Variants in GTF3C5 observed in about 807,000 individuals in gnomAD.
The protein encoded by GTF3C5 is general transcription factor 3C polypeptide 5.
In GTF3C5, 47 loss-of-function variants were observed where a neutral mutation model predicts 61.0. The ratio of observed to expected loss-of-function variants is 0.77; its 90% CI spans 0.61 to 0.98. GTF3C5 has a LOEUF of 0.98. Ranked by LOEUF, GTF3C5 falls within the 50% of genes least tolerant of loss-of-function variation. The pLI, the probability that GTF3C5 is intolerant of heterozygous loss-of-function variation, is 0.00. For synonymous variants in GTF3C5, 295 were observed against 275.4 expected (o/e 1.07, Z -0.71); for missense variants, 659 against 703.3 (o/e 0.94, Z 0.71).
chr9:133,056,766 G>GT lies in GTF3C5; in HGVS notation c.1253dup (p.Leu418PhefsTer9). ...GTCCCAACCCTCTCCCCACCCCCAG[G>GT]TTGCAGAAGATCATTCACCGCAATG... On this transcript the variant is annotated frameshift_variant and splice_region_variant, in exon 10 of 11. Transcript: ENST00000372097. LOFTEE classifies it high-confidence loss of function. 1 of 1,599,244 alleles carries GT rather than the reference G, an allele frequency of 6.3e-7. No homozygotes were observed. The highest frequency in any genetic ancestry group is 8.5e-7 in the Non-Finnish European group (1 of 1,172,314).
intron 1 of GTF3C5, among the ~76,000 whole-genome samples, chr9:133,040,724 G>A (rs577993317): frequency 6.6e-6 from 1 of 152,164 alleles, no homozygotes; most frequent in African/African-American, 2.4e-5. Flanking sequence ...GTTAGAGTAG[G>A]TAACCCTAGA....
At chr9:133,051,755 C>T (rs1850387270) in intron 4 of GTF3C5, among the ~76,000 whole-genome samples, 1 of 152,192 alleles carries the variant, frequency 6.6e-6, no homozygotes, top group African/African-American at 2.4e-5. Context: ...AGCATGTGCC[C>T]CCTGAGCCGT....
chr9:133,051,699 G>A (rs1850382935), intron 4 of GTF3C5, among the ~76,000 whole-genome samples: 1 of 152,202 alleles, frequency 6.6e-6, no homozygotes, highest in Admixed American at 6.5e-5. Flanking sequence ...TCCCACCTCA[G>A]GCACCTGTTC....
Position 133,050,820 on chromosome 9 carries a change from C to T in GTF3C5, c.610C>T (p.Leu204=), listed in dbSNP as rs776387290. The part of the protein sequence containing the change: ...YNNPPISGEN[L]IGLSRARRPH... The stretch of plus-strand genomic sequence containing the variant: ...CAATCCCCCCATCTCAGGTGAGAAT[C>T]TGATTGGCCTGAGCAGAGCCCGGCG... The change falls in exon 4 of 11, where the codon CTG becomes TTG. Residue 204 remains leucine, a synonymous_variant. Transcript: ENST00000372097. 2 of 1,613,944 alleles carry T rather than the reference C, an allele frequency of 1.2e-6. No homozygotes were observed. The highest frequency in any genetic ancestry group is 4.5e-5 in the East Asian group (2 of 44,880).
At chr9:133,038,284 G>A (rs1050296458) in intron 1 of GTF3C5, among the ~76,000 whole-genome samples, 9 of 152,086 alleles carry the variant, frequency 5.9e-5, no homozygotes, top group African/African-American at 2.2e-4. Flanking sequence ...GCTGGACGGC[G>A]GCTGAAGGGG....
intron 3 of GTF3C5, among the ~76,000 whole-genome samples, chr9:133,044,567 G>A (rs1360464419): frequency 2.6e-5 from 4 of 152,074 alleles, no homozygotes; most frequent in African/African-American, 9.7e-5. Flanking sequence ...ATCTGTCCCT[G>A]CCCTGCCCTC....
At chr9:133,044,788 G>A (rs1479688436) in intron 3 of GTF3C5, among the ~76,000 whole-genome samples, 2 of 151,954 alleles carry the variant, frequency 1.3e-5, no homozygotes, top group Non-Finnish European at 1.5e-5. Context: ...TCCAGAACAC[G>A]GTGCCTCTCC....
Position 133,054,815 on chromosome 9 carries a change from C to T in GTF3C5, c.1167+6C>T, listed in dbSNP as rs531086951. 60 of 1,560,154 alleles carry T rather than the reference C, an allele frequency of 3.8e-5. No individual in the cohort carries two copies. The highest frequency in any genetic ancestry group is 4.7e-5 in the East Asian group (2 of 42,438). On this transcript the variant is annotated splice_donor_region_variant and intron_variant, in intron 8 of 10. Transcript: ENST00000372097. ...CCAGCAAGTACAAGCTCAAGGTGGG[C>T]GCCCCTGGAGGCCAGGAATGGAGGG...
At chr9:133,053,534 G>A (rs1182315315) in intron 5 of GTF3C5, among the ~76,000 whole-genome samples, 1 of 152,166 alleles carries the variant, frequency 6.6e-6, no homozygotes, top group East Asian at 1.9e-4. Context: ...GCAGTGAACC[G>A]TGATTTTGCC....
chr9:133,051,582 T>A (rs1043357720), intron 4 of GTF3C5, among the ~76,000 whole-genome samples: 2 of 152,206 alleles, frequency 1.3e-5, no homozygotes. Context: ...CTGACCTGAA[T>A]TGGCTCGTGA....
At chr9:133,045,454 CTT>C (rs1850174050) in intron 3 of GTF3C5, among the ~76,000 whole-genome samples, 1 of 152,176 alleles carries the variant, frequency 6.6e-6, no homozygotes, top group Non-Finnish European at 1.5e-5. Flanking sequence ...TGGAAAAAAA[CTT>C]TGCATTGTAA....
At chr9:133,045,198 G>C (rs1184445930) in intron 3 of GTF3C5, among the ~76,000 whole-genome samples, 1 of 152,220 alleles carries the variant, frequency 6.6e-6, no homozygotes, top group Non-Finnish European at 1.5e-5. Flanking sequence ...CACACTGCCA[G>C]TTATTTCACG....
chr9:133,048,099 A>C (rs1850258214), intron 3 of GTF3C5, among the ~76,000 whole-genome samples: 1 of 152,102 alleles, frequency 6.6e-6, no homozygotes, highest in Non-Finnish European at 1.5e-5. Context: ...ACTGCACTCC[A>C]GCCTGGGTGA....
intron 1 of GTF3C5, among the ~76,000 whole-genome samples, chr9:133,039,990 G>A (rs768718268): frequency 2.0e-5 from 3 of 152,102 alleles, no homozygotes; most frequent in East Asian, 3.8e-4. Flanking sequence ...CATTAAGCAC[G>A]GGCTGCCAGT....
chr9:133,043,304 T>C lies in GTF3C5; in HGVS notation c.374-424T>C, dbSNP rs937207009. 4.6e-5 allele frequency among the ~76,000 whole-genome samples: 7 copies of C among 152,332 alleles called. No individual in the cohort carries two copies. The South Asian group carries it at 1.5e-3, about 32-fold the overall frequency. On this transcript the variant is annotated intron_variant, in intron 2 of 10. Transcript: ENST00000372097. ...GAATTGAACCAGCATCTTGCTGCTC[T>C]GTGTGTGTCTCTGGACTGGCAGCAT...
intron 1 of GTF3C5, among the ~76,000 whole-genome samples, chr9:133,040,622 C>T (rs1242490532): frequency 1.3e-5 from 2 of 152,124 alleles, no homozygotes; most frequent in Non-Finnish European, 1.5e-5. Context: ...AGTCAGAGCC[C>T]AAATGGTTGT....
At position 133,043,879 on chromosome 9, in the gene GTF3C5, G is replaced by C. The variant is rs976486579; in HGVS notation, c.525G>C (p.Arg175=). 8 of 1,613,960 alleles carry C rather than the reference G, an allele frequency of 5.0e-6. No individual in the cohort carries two copies. Among genetic ancestry groups the C allele is most frequent in the Non-Finnish European group, 6.8e-6 (8 of 1,180,010 alleles). The change falls in exon 3 of 11, where the codon CGG becomes CGC. Residue 175 remains arginine (R), a synonymous_variant. Transcript: ENST00000372097. ...PLYIPPPIFS[R]LDAPVDYFYR... ...ACATCCCCCCACCCATCTTCTCCCG[G>C]CTGGACGCCCCGGTGGACTACTTCT... is the stretch of plus-strand genomic sequence containing the variant.
intron 1 of GTF3C5, among the ~76,000 whole-genome samples, chr9:133,034,204 G>A (rs966363015): frequency 3.3e-5 from 5 of 152,224 alleles, no homozygotes; most frequent in Middle Eastern, 3.4e-3. Flanking sequence ...TTGAGTTTCC[G>A]CAACTTATTT....
At chr9:133,051,940 CCT>C in intron 4 of GTF3C5, 118 bp from the exon 5 acceptor site, 1 of 568,586 alleles carries the variant, frequency 1.8e-6, no homozygotes, top group Non-Finnish European at 3.2e-6. Context: ...GTGTCCAGCC[CCT>C]GTCCTCTACC....
Sources: allele counts gnomAD v4.1 joint callset (sites outside exome capture counted in the v4.1 genomes callset), GRCh38; gene constraint gnomAD v4.1.1; transcripts MANE v1.5; gene names NCBI Gene and HGNC (gene_info 2026-07-23, HGNC 2026-07-21).